Variants in MAD2L1 observed in about 807,000 individuals in gnomAD.
MAD2L1 encodes mitotic spindle assembly checkpoint protein MAD2A.
Under a neutral mutation model 25.9 loss-of-function variants are expected in MAD2L1, and 10 were observed. The ratio of observed to expected loss-of-function variants is 0.39; its 90% CI spans 0.24 to 0.66. The LOEUF (loss-of-function observed/expected upper bound fraction) is 0.66, where lower values mean the gene tolerates loss of function less well. Ranked by LOEUF, MAD2L1 falls within the 30% of genes least tolerant of loss-of-function variation. MAD2L1 has a pLI of 0.49. For synonymous variants in MAD2L1, 81 were observed against 91.8 expected (o/e 0.88, Z 0.67); for missense variants, 180 against 246.4 (o/e 0.73, Z 1.80).
intron 4 of MAD2L1, among the ~76,000 whole-genome samples, chr4:120,060,554 G>A (rs926899194): frequency 1.1e-4 from 17 of 152,198 alleles, no homozygotes; most frequent in Admixed American, 1.0e-3. Flanking sequence ...AGTGATGCCA[G>A]CATATTGTTA....
intron 2 of MAD2L1, among the ~76,000 whole-genome samples, chr4:120,063,877 G>T (rs931523634): frequency 6.6e-6 from 1 of 152,106 alleles, no homozygotes; most frequent in African/African-American, 2.4e-5. Flanking sequence ...AGGCACGGTG[G>T]CAGGCGCTTA....
chr4:120,065,531 C>T (rs549151532), intron 2 of MAD2L1, 141 bp downstream of exon 2: 39 of 679,690 alleles, frequency 5.7e-5, no homozygotes, highest in South Asian at 7.3e-5. Flanking sequence ...TGTATTTCTT[C>T]CATTTTATAT....
chr4:120,063,170 A>G (rs1270978340), intron 2 of MAD2L1, among the ~76,000 whole-genome samples: 3 of 152,220 alleles, frequency 2.0e-5, no homozygotes, highest in South Asian at 2.1e-4. Context: ...TGCTGGATAT[A>G]TGAGTCTGGA....
chr4:120,062,874 A>G (rs974144864), intron 2 of MAD2L1, among the ~76,000 whole-genome samples: 2 of 152,222 alleles, frequency 1.3e-5, no homozygotes, highest in Non-Finnish European at 2.9e-5. Flanking sequence ...TAATTCAAGC[A>G]AGAGTTAATG....
In MAD2L1 at chr4:120,057,091, A is replaced by G. The variant is rs894010808; in HGVS notation, c.*3027T>C. On this transcript the variant is annotated 3_prime_UTR_variant, in exon 5 of 5. Transcript: ENST00000296509. The stretch of plus-strand genomic sequence containing the variant: ...AACCCTGGGGCCGAAGCAAACAGCC[A>G]TGTTTTTTTCTTATTGGAACACACT... 23 of 152,214 alleles carry G rather than the reference A, an allele frequency of 1.5e-4. No homozygotes were observed. Among genetic ancestry groups the G allele is most frequent in the African/African-American group, 5.3e-4 (22 of 41,446 alleles). The allele number at this position is 152,214 out of a possible 1,614,324, so 9.4% of individuals were successfully genotyped here. A position where few individuals can be genotyped will look rare whatever the true frequency, so the allele number is the denominator to read the frequency against.
At chr4:120,064,175 A>AT (rs1364226050) in intron 2 of MAD2L1, among the ~76,000 whole-genome samples, 1 of 152,180 alleles carries the variant, frequency 6.6e-6, no homozygotes, top group Non-Finnish European at 1.5e-5. Flanking sequence ...GCAAATTAAG[A>AT]TAAAAACACA....
chr4:120,064,303 T>A (rs1230622431), intron 2 of MAD2L1, among the ~76,000 whole-genome samples: 1 of 152,170 alleles, frequency 6.6e-6, no homozygotes. Flanking sequence ...AGGTGGACAC[T>A]CTTATCAGTG....
chr4:120,061,979 C>A lies in MAD2L1; in HGVS notation c.337G>T (p.Asp113Tyr). ...DIECDKTAKD[D>Y]SAPREKSQKA... The stretch of plus-strand genomic sequence containing the variant: ...AATAATGTAATTCCTATTTACCTGT[C>A]ATCTTTTGCAGTCTTGTCACACTCA... Residue 113 changes from aspartate to tyrosine, a missense_variant, in exon 3 of 5, where the codon GAC becomes TAC. Asp to Tyr is a radical substitution (Grantham distance 160). Transcript: ENST00000296509. The A allele has an allele frequency of 6.2e-7, 1 of 1,601,020 alleles. No homozygotes were observed. Among genetic ancestry groups the A allele is most frequent in the South Asian group, 1.1e-5 (1 of 87,736 alleles).
intron 1 of MAD2L1, among the ~76,000 whole-genome samples, chr4:120,066,271 A>G (rs1029007654): frequency 2.6e-5 from 4 of 152,052 alleles, no homozygotes; most frequent in African/African-American, 7.2e-5. Flanking sequence ...AAGGGTTCCC[A>G]AAGTCTTGTC....
In MAD2L1 at chr4:120,058,385, G is replaced by A. The variant is rs1227295926; in HGVS notation, c.*1733C>T. ...AGTGGCTCACGCCTGTAATCCCAAT[G>A]CTTTGTGAGGTCAAGGCGGGCAGAT... On this transcript the variant is annotated 3_prime_UTR_variant, in exon 5 of 5. Transcript: ENST00000296509. 1 of 152,158 alleles carries A rather than the reference G, an allele frequency of 6.6e-6. No individual in the cohort carries two copies. Among genetic ancestry groups the A allele is most frequent in the East Asian group, 1.9e-4 (1 of 5,150 alleles). The allele number at this position is 152,158 out of a possible 1,614,324, so 9.4% of individuals were successfully genotyped here.
Position 120,056,444 on chromosome 4 carries a change from T to C in MAD2L1, c.*3674A>G, listed in dbSNP as rs1484313064. The C allele has an allele frequency of 6.6e-6, 1 of 152,266 alleles. No individual in the cohort carries two copies. Among genetic ancestry groups the C allele is most frequent in the East Asian group, 1.9e-4 (1 of 5,186 alleles). 9.4% of individuals were successfully genotyped at this position (152,266 alleles called of 1,614,324 possible). A position where few individuals can be genotyped will look rare whatever the true frequency, so the allele number is the denominator to read the frequency against. ...TTTGAATATTACAGCATTAGTGACA[T>C]CTGGTGGAAAATATAAGAGTTACAA... is the stretch of plus-strand genomic sequence containing the variant. On this transcript the variant is annotated 3_prime_UTR_variant, in exon 5 of 5. Coordinates refer to ENST00000296509, the MANE Select transcript of MAD2L1 (RefSeq NM_002358.4).
At position 120,066,748 on chromosome 4, in the gene MAD2L1, A is replaced by G; in HGVS notation, c.-14T>C. 1.3e-6 allele frequency: 2 copies of G among 1,587,026 alleles called. No individual in the cohort carries two copies. The highest frequency in any genetic ancestry group is 8.6e-7 in the Non-Finnish European group (1 of 1,159,838). On this transcript the variant is annotated 5_prime_UTR_variant, in exon 1 of 5. Transcript: ENST00000296509. ...CTGCAGCGCCATGGCCAGGGACACA[A>G]ACAAAAGCACGCGCTTCCACTCCGC... is the stretch of plus-strand genomic sequence containing the variant.
chr4:120,063,919 G>A lies in MAD2L1; in HGVS notation c.220+1753C>T, dbSNP rs143235063. On this transcript the variant is annotated intron_variant, in intron 2 of 4. Transcript: ENST00000296509. ...CAGCTACTCGGGAGGCTGTGGTGTG[G>A]GGGCAGAGGTTGCAGTGAGCGGAGA... Among the ~76,000 whole-genome samples, 575 of 152,164 alleles carry A rather than the reference G, an allele frequency of 3.8e-3. 6 individuals are homozygous for A. The highest frequency in any genetic ancestry group is 0.013 in the African/African-American group (559 of 41,484).
rs1726181135 is a variant in MAD2L1 at position 120,059,905 on chromosome 4, A to G, written c.*213T>C. On this transcript the variant is annotated 3_prime_UTR_variant, in exon 5 of 5. Transcript: ENST00000296509. ...AAAAACCTCCTGGTTCCTTTTGAAC[A>G]ATGTGCAATAAATTCATGATGTTAA... 1 of 402,408 alleles carries G rather than the reference A, an allele frequency of 2.5e-6. No individual in the cohort carries two copies. Among genetic ancestry groups the G allele is most frequent in the African/African-American group, 2.0e-5 (1 of 49,748 alleles). The allele number at this position is 402,408 out of a possible 1,614,324, so 24.9% of individuals were successfully genotyped here.
intron 4 of MAD2L1, 24 bp downstream of exon 4, chr4:120,060,850 A>C (rs377170873): frequency 2.7e-5 from 39 of 1,469,274 alleles, no homozygotes; most frequent in Admixed American, 5.4e-5. Context: ...AATTTAATTC[A>C]ACAAGAAGTT....
Position 120,057,223 on chromosome 4 carries a change from GAA to G in MAD2L1, c.*2893_*2894del, listed in dbSNP as rs1726126184. 1.3e-5 allele frequency: 2 copies of G among 151,938 alleles called. No homozygotes were observed. Among genetic ancestry groups the G allele is most frequent in the Admixed American group, 1.3e-4 (2 of 15,248 alleles). The allele number at this position is 151,938 out of a possible 1,614,324, so 9.4% of individuals were successfully genotyped here. ...ACTATTTACTACCTGGCCATTTACA[GAA>G]AGTTTGCCAACCTCTAGTCCATTAG... On this transcript the variant is annotated 3_prime_UTR_variant, in exon 5 of 5. Transcript: ENST00000296509.
At chr4:120,060,642 GAA>G (rs1427288514) in intron 4 of MAD2L1, among the ~76,000 whole-genome samples, 1 of 151,986 alleles carries the variant, frequency 6.6e-6, no homozygotes, top group African/African-American at 2.4e-5. Context: ...GTATGCATAA[GAA>G]AAAAACATTA....
intron 2 of MAD2L1, 126 bp downstream of exon 2, chr4:120,065,545 AT>A (rs1726300399): frequency 8.0e-6 from 6 of 752,422 alleles, no homozygotes; most frequent in African/African-American, 1.8e-5. Context: ...TTTATATATT[AT>A]TTTCTTCCTC....
intron 1 of MAD2L1, among the ~76,000 whole-genome samples, 160 bp downstream of exon 1, chr4:120,066,502 G>A (rs1027079679): frequency 2.0e-5 from 3 of 152,198 alleles, no homozygotes; most frequent in African/African-American, 7.2e-5. Context: ...GGCCCCAGCA[G>A]CACGCAGGCC....
Sources: gnomAD v4.1 joint callset for allele counts (sites outside exome capture counted in the v4.1 genomes callset) on GRCh38, gnomAD v4.1.1 for gene constraint, MANE v1.5 for transcripts, NCBI Gene and HGNC (gene_info 2026-07-23, HGNC 2026-07-21) for gene names.